Variants in ESPN observed in about 807,000 individuals in gnomAD.
The protein encoded by ESPN is autosomal recessive deafness type 36 protein.
ESPN carries 68 observed loss-of-function variants against 77.7 expected under a neutral mutation model. That is an observed-to-expected ratio of 0.87 (90% CI 0.72 to 1.07). ESPN has a LOEUF of 1.07. Among genes scored for constraint, ESPN ranks in the 50% least tolerant of loss-of-function variants. The pLI, the probability that ESPN is intolerant of heterozygous loss-of-function variation, is 0.00. For missense variants in ESPN, 1,060 were observed against 1,239.0 expected, an observed-to-expected ratio of 0.86 and a Z score of 2.17; for synonymous variants, 449 against 567.1, an observed-to-expected ratio of 0.79 and a Z score of 2.96.
At chr1:6,453,427 A>G (rs1395396903) in intron 10 of ESPN, among the ~76,000 whole-genome samples, 1 of 152,216 alleles carries the variant, frequency 6.6e-6, no homozygotes, top group Non-Finnish European at 1.5e-5. Context: ...GCCACCTTAT[A>G]CGTGGGCTGG....
Position 6,451,370 on chromosome 1 carries a change from CGT to C in ESPN, c.1916-231_1916-230del. 1.7e-6 allele frequency: 1 copy of C among 602,390 alleles called. No homozygotes were observed. The highest frequency in any genetic ancestry group is 2.9e-6 in the Non-Finnish European group (1 of 341,784). The allele number at this position is 602,390 out of a possible 1,614,324, so 37.3% of individuals were successfully genotyped here. A position where few individuals can be genotyped will look rare whatever the true frequency, so the allele number is the denominator to read the frequency against. On this transcript the variant is annotated intron_variant, in intron 8 of 12. Transcript: ENST00000645284. This position sits in a 1 kb window ranked among gnomAD's most constrained non-coding sequence, Gnocchi z 4.3. Reference sequence around the variant, plus strand: ...GCCTCCAGGCAGGGGCCCTCCATCCCGTGAGTAGGGTGGGGAAGATGGTGGGG... The same window carrying C: ...GCCTCCAGGCAGGGGCCCTCCATCCCGAGTAGGGTGGGGAAGATGGTGGGG...
In ESPN at chr1:6,451,730, C is replaced by G. The variant is rs371653062; in HGVS notation, c.2043C>G (p.Ile681Met). ...SKGLTTVFSG[I>M]GQPAFQPDSP... is the part of the protein sequence containing the mutation. ...GGCTGACCACAGTGTTCTCAGGCAT[C>G]GGGCAGCCGGCCTTCCAGGTAGGCG... The change falls in exon 9 of 13, where the codon ATC (isoleucine) becomes ATG (methionine). Residue 681 changes from isoleucine to methionine, a missense_variant. This residue lies in a region of ESPN where 374 missense variants were observed against 381.4 expected (regional missense o/e 0.98). Transcript: ENST00000645284. This position sits in a 1 kb window ranked among gnomAD's most constrained non-coding sequence, Gnocchi z 4.3. The G allele has an allele frequency of 6.2e-6, 10 of 1,612,470 alleles. No individual in the cohort carries two copies. In the African/African-American group the frequency reaches 1.1e-4, roughly 17 times the overall value.
Position 6,428,508 on chromosome 1 carries a change from C to A in ESPN, c.488+89C>A. 1.7e-6 allele frequency: 2 copies of A among 1,178,076 alleles called. No individual in the cohort carries two copies. The highest frequency in any genetic ancestry group is 2.4e-6 in the Non-Finnish European group (2 of 831,700). The allele number at this position is 1,178,076 out of a possible 1,614,324, so 73.0% of individuals were successfully genotyped here. On this transcript the variant is annotated intron_variant, in intron 2 of 12. Coordinates refer to ENST00000645284, the MANE Select transcript of ESPN (RefSeq NM_031475.3). This position sits in a 1 kb window ranked among gnomAD's most constrained non-coding sequence, Gnocchi z 5.4. ...GGATTTTCCACGCCTCTCTGGCACT[C>A]CAGGGCAATGATCCCTCCAGTGGCC...
intron 5 of ESPN, among the ~76,000 whole-genome samples, 162 bp from the exon 6 acceptor site, chr1:6,444,319 G>A (rs1557706249): frequency 6.6e-6 from 1 of 152,184 alleles, no homozygotes; most frequent in Non-Finnish European, 1.5e-5. Flanking sequence ...TCTTAACCTG[G>A]AGGAACCTGA....
In ESPN at chr1:6,424,803, A is replaced by G; in HGVS notation, c.-153A>G. The G allele has an allele frequency of 1.3e-6, 1 of 762,558 alleles. No individual in the cohort carries two copies. The highest frequency in any genetic ancestry group is 5.6e-5 in the South Asian group (1 of 17,972). 47.2% of individuals were successfully genotyped at this position (762,558 alleles called of 1,614,324 possible). A position where few individuals can be genotyped will look rare whatever the true frequency, so the allele number is the denominator to read the frequency against. On this transcript the variant is annotated 5_prime_UTR_variant, in exon 1 of 13. Transcript: ENST00000645284. ...AGCGCGGCGGAGCGGAGCGCCAGGC[A>G]GCGCGGAGCGGAGGCCAGGCCCACA...
At chr1:6,446,662 C>T (rs1411270099) in intron 7 of ESPN, among the ~76,000 whole-genome samples, 1 of 152,136 alleles carries the variant, frequency 6.6e-6, no homozygotes, top group Non-Finnish European at 1.5e-5. Context: ...TTCCGGGTAT[C>T]CCGGGCAGGG....
At chr1:6,441,630 A>G (rs529370641) in intron 5 of ESPN, among the ~76,000 whole-genome samples, 5 of 152,354 alleles carry the variant, frequency 3.3e-5, no homozygotes, top group African/African-American at 9.6e-5. Context: ...AAGTGACCCA[A>G]TGGGACTTGA....
chr1:6,432,576 A>G lies in ESPN; in HGVS notation c.488+4157A>G, dbSNP rs373367502. 5.3e-5 allele frequency among the ~76,000 whole-genome samples: 8 copies of G among 152,088 alleles called. No individual in the cohort carries two copies. In the East Asian group the frequency reaches 7.7e-4, roughly 15 times the overall value. On this transcript the variant is annotated intron_variant, in intron 2 of 12. Coordinates refer to ENST00000645284, the MANE Select transcript of ESPN (RefSeq NM_031475.3). ...TAACCGGGGCTAGTGCCCCTGCCCT[A>G]CCCTTCTAAGGGGGAGAGCTGAGCC...
intron 5 of ESPN, among the ~76,000 whole-genome samples, chr1:6,442,041 G>A (rs971551138): frequency 6.6e-6 from 1 of 152,202 alleles, no homozygotes; most frequent in African/African-American, 2.4e-5. Flanking sequence ...AAGCTGGGAT[G>A]GACACTGGGA....
intron 4 of ESPN, 39 bp downstream of exon 4, chr1:6,440,847 T>G: frequency 6.8e-7 from 1 of 1,472,426 alleles, no homozygotes. Flanking sequence ...CGCCCTCTGC[T>G]GGCACCGCGC....
chr1:6,445,626 C>T, intron 6 of ESPN, 38 bp from the exon 7 acceptor site: 1 of 1,604,400 alleles, frequency 6.2e-7, no homozygotes, highest in Non-Finnish European at 8.5e-7. Context: ...AGCCTGTCTG[C>T]ATGCTCCCAA....
chr1:6,440,656 C>A lies in ESPN; in HGVS notation c.706C>A (p.Gln236Lys), dbSNP rs6678405. 2 of 1,524,482 alleles carry A rather than the reference C, an allele frequency of 1.3e-6. No homozygotes were observed. Among genetic ancestry groups the A allele is most frequent in the Middle Eastern group, 2.3e-4 (1 of 4,334 alleles). 94.4% of individuals were successfully genotyped at this position (1,524,482 alleles called of 1,614,324 possible). ...VSCTDVSLSE[Q>K]DKDGATAMHF... ...CTGCACCGACGTGAGCCTGTCCGAG[C>A]AGGACAAAGACGGCGCCACCGCCAT... The change falls in exon 4 of 13, where the codon CAG (glutamine) becomes AAG (lysine). Residue 236 changes from glutamine (Q) to lysine (K), a missense_variant. Gln to Lys is a moderately conservative substitution (Grantham distance 53, BLOSUM62 1). Around this residue, in one of 3 missense-constraint regions of ESPN, gnomAD observed 556 missense variants for 633.6 expected, o/e 0.88. Transcript: ENST00000645284.
chr1:6,434,026 G>A (rs112725535), intron 2 of ESPN, among the ~76,000 whole-genome samples: 30,237 of 152,052 alleles, frequency 0.2, 3,712 homozygotes, highest in African/African-American at 0.34. Flanking sequence ...TTAGCCTACC[G>A]AGTAGCTGGG....
intron 10 of ESPN, 131 bp downstream of exon 10, chr1:6,452,227 CAG>C (rs1440253957): frequency 8.8e-6 from 10 of 1,140,046 alleles, no homozygotes; most frequent in Non-Finnish European, 1.2e-5. Context: ...TTTCTTGAGA[CAG>C]AGTCTTGCTC....
rs952153691 is a variant in ESPN, at chr1:6,427,458, G to A, written c.295-768G>A. ...CAGCAGTTCTGGGCCCAGACCTCTG[G>A]CCCCACCTGCTCTGAGGTCCCCGGG... On this transcript the variant is annotated intron_variant, in intron 1 of 12. Transcript: ENST00000645284. This position sits in a 1 kb window ranked among gnomAD's most constrained non-coding sequence, Gnocchi z 4.6. Among the ~76,000 whole-genome samples, 1 of 152,152 alleles carries A rather than the reference G, an allele frequency of 6.6e-6. No homozygotes were observed. Among genetic ancestry groups the A allele is most frequent in the African/African-American group, 2.4e-5 (1 of 41,450 alleles).
At chr1:6,442,329 G>C (rs967996187) in intron 5 of ESPN, among the ~76,000 whole-genome samples, 1 of 152,176 alleles carries the variant, frequency 6.6e-6, no homozygotes, top group African/African-American at 2.4e-5. Flanking sequence ...CCAGCACTTT[G>C]GGAGGCAAAG....
intron 2 of ESPN, among the ~76,000 whole-genome samples, chr1:6,433,960 G>A (rs1389432107): frequency 1.3e-5 from 2 of 152,116 alleles, no homozygotes; most frequent in African/African-American, 2.4e-5. Flanking sequence ...AGGCTGGAGT[G>A]CAGTGGCACG....
Position 6,451,282 on chromosome 1 carries a change from G to A in ESPN, c.1916-321G>A. The A allele has an allele frequency of 2.3e-6, 1 of 442,122 alleles. No homozygotes were observed. Among genetic ancestry groups the A allele is most frequent in the Non-Finnish European group, 4.2e-6 (1 of 237,578 alleles). The allele number at this position is 442,122 out of a possible 1,614,324, so 27.4% of individuals were successfully genotyped here. On this transcript the variant is annotated intron_variant, in intron 8 of 12. Coordinates refer to ENST00000645284, the MANE Select transcript of ESPN (RefSeq NM_031475.3). This position sits in a 1 kb window ranked among gnomAD's most constrained non-coding sequence, Gnocchi z 4.3. Reference sequence around the variant, plus strand: ...GGTGGCTGATTCCAGGTAGTGTTTTGGAGCTGGGCAGTCAGTGGCTGGGCG... The same window carrying A: ...GGTGGCTGATTCCAGGTAGTGTTTTAGAGCTGGGCAGTCAGTGGCTGGGCG...
intron 8 of ESPN, among the ~76,000 whole-genome samples, chr1:6,449,833 G>A (rs1643914614): frequency 6.6e-6 from 1 of 152,182 alleles, no homozygotes; most frequent in Non-Finnish European, 1.5e-5. Flanking sequence ...AGAAGGCCCA[G>A]GACAGAGTGC....
Sources: allele counts gnomAD v4.1 joint callset (sites outside exome capture counted in the v4.1 genomes callset), GRCh38; gene constraint gnomAD v4.1.1; regional missense constraint gnomAD v4.1.1; non-coding constraint Gnocchi (gnomAD v3.1); transcripts MANE v1.5; gene names NCBI Gene and HGNC (gene_info 2026-07-23, HGNC 2026-07-21).